Variants in IFT74 observed in about 807,000 individuals in gnomAD.
IFT74 encodes the protein intraflagellar transport protein 74 homolog.
A neutral mutation model predicts 96.7 loss-of-function variants in IFT74; 92 were observed. That is an observed-to-expected ratio of 0.95 (90% CI 0.80 to 1.13). The LOEUF is 1.13. IFT74 is among the 50% of genes most tolerant of loss of function. IFT74 has a pLI of 0.00. For missense variants in IFT74, 811 were observed against 698.2 expected, an observed-to-expected ratio of 1.16 and a Z score of -1.82; for synonymous variants, 223 against 213.2, an observed-to-expected ratio of 1.05 and a Z score of -0.40.
At chr9:26,956,342 G>A (rs1334755895), upstream of IFT74, 1 of 152,284 alleles carries the variant, frequency 6.6e-6, no homozygotes, top group Non-Finnish European at 1.5e-5. Flanking sequence ...TGAGGCGGAG[G>A]ATTGGTCACT....
intron 2 of IFT74, among the ~76,000 whole-genome samples, chr9:26,970,944 T>G (rs868244986): frequency 3.1e-4 from 47 of 152,220 alleles, no homozygotes; most frequent in Admixed American, 1.6e-3. Flanking sequence ...CTTTCTACTC[T>G]TCCTGAAGAG....
intron 8 of IFT74, chr9:26,998,132 G>A: frequency 6.2e-7 from 1 of 1,611,012 alleles, no homozygotes; most frequent in Non-Finnish European, 8.5e-7. Context: ...TCTTGTGTCT[G>A]TACCATTAAG....
At chr9:27,033,596 G>T (rs1830224736) in intron 13 of IFT74, among the ~76,000 whole-genome samples, 3 of 138,668 alleles carry the variant, frequency 2.2e-5, no homozygotes, top group Non-Finnish European at 1.6e-5. Context: ...AAAAAAAAAT[G>T]GTGCCTGGTG....
At chr9:27,022,890 G>A (rs1829680281) in intron 12 of IFT74, among the ~76,000 whole-genome samples, 1 of 151,890 alleles carries the variant, frequency 6.6e-6, no homozygotes, top group African/African-American at 2.4e-5. Flanking sequence ...TGCCTACCTC[G>A]GCCTCCCAAA....
intron 2 of IFT74, among the ~76,000 whole-genome samples, chr9:26,972,183 G>A (rs150633535): frequency 3.9e-5 from 6 of 152,262 alleles, no homozygotes; most frequent in Non-Finnish European, 7.4e-5. Flanking sequence ...ATTATCAGTA[G>A]TTAATGTTAA....
chr9:26,998,926 G>A (rs559261375), intron 8 of IFT74, among the ~76,000 whole-genome samples: 5 of 152,182 alleles, frequency 3.3e-5, no homozygotes, highest in South Asian at 2.1e-4. Flanking sequence ...CCCAGGAGGC[G>A]GAGGTTGCAG....
At chr9:26,977,994 T>C in intron 2 of IFT74, 134 bp from the exon 3 acceptor site, 1 of 664,978 alleles carries the variant, frequency 1.5e-6, no homozygotes, top group Admixed American at 3.6e-5. Context: ...AATTCAGACA[T>C]TTAAAAAATA....
rs754336345 is a variant in IFT74, at chr9:27,016,896, T to C, written c.790-11T>C. ...TACTAATTAAAACTTTCCCTTCTTA[T>C]TTTCCTTTAGGAAATAGCTCACTCC... On this transcript the variant is annotated splice_polypyrimidine_tract_variant and intron_variant, in intron 10 of 19. Transcript: ENST00000380062. 6.3e-7 allele frequency: 1 copy of C among 1,580,148 alleles called. No homozygotes were observed. The highest frequency in any genetic ancestry group is 2.0e-5 in the Admixed American group (1 of 50,534).
intron 8 of IFT74, among the ~76,000 whole-genome samples, chr9:27,000,626 T>C (rs920030189): frequency 8.5e-5 from 13 of 152,230 alleles, no homozygotes; most frequent in Non-Finnish European, 1.6e-4. Context: ...ATATTTGTCT[T>C]TTCTTTATAA....
chr9:27,000,336 G>C (rs1467505354), intron 8 of IFT74, among the ~76,000 whole-genome samples: 3 of 152,102 alleles, frequency 2.0e-5, no homozygotes, highest in Non-Finnish European at 4.4e-5. Context: ...AAGAAATTCA[G>C]GAAAACGTAT....
chr9:26,996,936 C>T (rs753555585), intron 8 of IFT74, among the ~76,000 whole-genome samples: 22 of 152,126 alleles, frequency 1.4e-4, no homozygotes, highest in Admixed American at 5.2e-4. Context: ...TCTGGCCGGG[C>T]GCAGAGGCTC....
At chr9:26,948,887 C>G (rs935111860) in intron 1 of IFT74, among the ~76,000 whole-genome samples, 6 of 152,130 alleles carry the variant, frequency 3.9e-5, no homozygotes, top group Non-Finnish European at 7.4e-5. Flanking sequence ...TGTCACAATT[C>G]CCTGAACACA....
chr9:27,055,465 T>C, intron 16 of IFT74, 144 bp from the exon 17 acceptor site: 1 of 554,172 alleles, frequency 1.8e-6, no homozygotes, highest in South Asian at 3.2e-5. Context: ...TTTCTTAGTT[T>C]ATATTATCTC....
At chr9:27,027,451 G>A (rs933508491) in intron 12 of IFT74, among the ~76,000 whole-genome samples, 3 of 152,090 alleles carry the variant, frequency 2.0e-5, no homozygotes, top group African/African-American at 7.2e-5. Context: ...CAGCATGTGA[G>A]GGTTCCAGTT....
intron 8 of IFT74, among the ~76,000 whole-genome samples, chr9:27,000,827 C>T (rs1828443834): frequency 6.6e-6 from 1 of 152,100 alleles, no homozygotes; most frequent in South Asian, 2.1e-4. Flanking sequence ...TACCCCGGAA[C>T]TTAAAAATAA....
At chr9:26,955,578 G>C (rs761178120), upstream of IFT74, among the ~76,000 whole-genome samples, 1 of 152,110 alleles carries the variant, frequency 6.6e-6, no homozygotes, top group Admixed American at 6.5e-5. Context: ...CAAATAGGGT[G>C]AGCTCAAATG....
intron 1 of IFT74, among the ~76,000 whole-genome samples, chr9:26,960,552 C>A (rs1826310246): frequency 6.6e-6 from 1 of 152,082 alleles, no homozygotes; most frequent in African/African-American, 2.4e-5. Context: ...GTTTTCAGAA[C>A]TTACTAACGG....
chr9:27,041,393 A>G (rs10812517), intron 13 of IFT74, among the ~76,000 whole-genome samples: 16,864 of 152,146 alleles, frequency 0.11, 2,011 homozygotes, highest in East Asian at 0.67. Flanking sequence ...AATAGGGTGG[A>G]AACTGTCTTA....
chr9:27,013,940 G>T (rs1293294843), intron 10 of IFT74, among the ~76,000 whole-genome samples: 2 of 152,208 alleles, frequency 1.3e-5, no homozygotes, highest in Admixed American at 1.3e-4. Context: ...AGTTGGCTGG[G>T]CGTGGTGGCT....
Sources: gnomAD v4.1 joint callset for allele counts (sites outside exome capture counted in the v4.1 genomes callset) on GRCh38, gnomAD v4.1.1 for gene constraint, MANE v1.5 for transcripts, NCBI Gene and HGNC (gene_info 2026-07-23, HGNC 2026-07-21) for gene names.